CDC42EP3: variants seen among roughly 807,000 people sequenced by gnomAD.
CDC42EP3 encodes CDC42 effector protein (Rho GTPase binding) 3.
Under a neutral mutation model 15.5 loss-of-function variants are expected in CDC42EP3, and 4 were observed. That is an observed-to-expected ratio of 0.26 (90% CI 0.13 to 0.59). CDC42EP3 has a LOEUF of 0.59. Ranked by LOEUF, CDC42EP3 falls within the 20% of genes least tolerant of loss-of-function variation. The pLI is 0.89. For missense variants in CDC42EP3, 309 were observed against 311.2 expected (o/e 0.99, Z 0.05); for synonymous variants, 145 against 130.3 (o/e 1.11, Z -0.77).
At chr2:37,651,500 TG>T (rs1474381318) in intron 1 of CDC42EP3, among the ~76,000 whole-genome samples, 1 of 152,120 alleles carries the variant, frequency 6.6e-6, no homozygotes, top group African/African-American at 2.4e-5. Context: ...TGGCAGTGTG[TG>T]GGTATATGAA....
At chr2:37,669,971 A>G (rs1316577440) in intron 1 of CDC42EP3, among the ~76,000 whole-genome samples, 2 of 152,272 alleles carry the variant, frequency 1.3e-5, no homozygotes, top group East Asian at 1.9e-4. Context: ...ATACCTGTGT[A>G]GCTTATTAAC....
intron 1 of CDC42EP3, among the ~76,000 whole-genome samples, chr2:37,665,420 T>C (rs1666220149): frequency 6.6e-6 from 1 of 152,146 alleles, no homozygotes; most frequent in African/African-American, 2.4e-5. Context: ...TCCCGCTGTG[T>C]TAAAATCAAT....
intron 1 of CDC42EP3, among the ~76,000 whole-genome samples, chr2:37,657,554 C>A (rs1355570780): frequency 2.0e-5 from 3 of 152,146 alleles, no homozygotes; most frequent in African/African-American, 7.2e-5. Context: ...ACACAGAAGG[C>A]CCTCAAATCT....
In CDC42EP3 at chr2:37,648,054, G is replaced by A. The variant is rs190561840; in HGVS notation, c.-235-1232C>T. Among the ~76,000 whole-genome samples, 47 of 152,320 alleles carry A rather than the reference G, an allele frequency of 3.1e-4. 1 individual carries two copies. The highest frequency in any genetic ancestry group is 1.1e-3 in the African/African-American group (46 of 41,576). ...AAGTTTGTGGTCGTTTGTTACCAGT[G>A]TAGAAAGCAACACATCCTCCCTGCA... On this transcript the variant is annotated intron_variant, in intron 1 of 1. Coordinates refer to ENST00000295324, the MANE Select transcript of CDC42EP3 (RefSeq NM_006449.5).
intron 1 of CDC42EP3, among the ~76,000 whole-genome samples, chr2:37,665,237 TTAGGGCCAGGA>T (rs1220771930): frequency 6.6e-6 from 1 of 152,046 alleles, no homozygotes. Context: ...GAATCACAGT[TTAGGGCCAGGA>T]GAGGGCCTGG....
chr2:37,656,636 A>G (rs1477443942), intron 1 of CDC42EP3, among the ~76,000 whole-genome samples: 1 of 152,244 alleles, frequency 6.6e-6, no homozygotes, highest in Non-Finnish European at 1.5e-5. Context: ...CTGTGTCTCC[A>G]GTCAATCACC....
intron 1 of CDC42EP3, among the ~76,000 whole-genome samples, chr2:37,670,504 A>G (rs1666376848): frequency 6.7e-6 from 1 of 149,482 alleles, no homozygotes; most frequent in South Asian, 2.1e-4. Flanking sequence ...TTTTTTTTAA[A>G]CAAAATGTAA....
chr2:37,643,472 A>G lies in CDC42EP3; in HGVS notation c.*2351T>C, dbSNP rs914901204. 3 of 152,246 alleles carry G rather than the reference A, an allele frequency of 2.0e-5. No homozygotes were observed. Among genetic ancestry groups the G allele is most frequent in the Non-Finnish European group, 4.4e-5 (3 of 68,042 alleles). 9.4% of individuals were successfully genotyped at this position (152,246 alleles called of 1,614,324 possible). On this transcript the variant is annotated 3_prime_UTR_variant, in exon 2 of 2. Transcript: ENST00000295324. ...GTACATGAAAGAACTCCCAGAAACT[A>G]AAATGGCTAACTGTAGGCAGGATGT...
chr2:37,658,734 G>C (rs1357874585), intron 1 of CDC42EP3, among the ~76,000 whole-genome samples: 1 of 152,140 alleles, frequency 6.6e-6, no homozygotes, highest in African/African-American at 2.4e-5. Flanking sequence ...CTATCAGTCT[G>C]TCTGGACTGT....
chr2:37,667,985 C>G (rs1666296738), intron 1 of CDC42EP3, among the ~76,000 whole-genome samples: 1 of 152,154 alleles, frequency 6.6e-6, no homozygotes, highest in Non-Finnish European at 1.5e-5. Flanking sequence ...TCCAAGACCC[C>G]CAGTGGGTGC....
intron 1 of CDC42EP3, among the ~76,000 whole-genome samples, chr2:37,656,993 C>CCCCCCCCA (rs1665878814): frequency 6.9e-5 from 6 of 87,024 alleles, no homozygotes; most frequent in African/African-American, 3.3e-4. Context: ...CCCCCCCACC[C>CCCCCCCCA]CCCGCCCCCC....
chr2:37,653,445 A>C (rs12622958), intron 1 of CDC42EP3, among the ~76,000 whole-genome samples: 48,245 of 152,094 alleles, frequency 0.32, 8,288 homozygotes, highest in East Asian at 0.58. Context: ...TAATCACAGC[A>C]GTAATAAATA....
chr2:37,669,688 A>G (rs1666346661), intron 1 of CDC42EP3, among the ~76,000 whole-genome samples: 1 of 152,214 alleles, frequency 6.6e-6, no homozygotes, highest in Non-Finnish European at 1.5e-5. Flanking sequence ...ATTGGAAAAC[A>G]GAAACTGCCA....
chr2:37,670,757 G>C (rs1056404574), intron 1 of CDC42EP3, among the ~76,000 whole-genome samples: 1 of 149,768 alleles, frequency 6.7e-6, no homozygotes. Flanking sequence ...GCCTCCCAAA[G>C]TCGAGAGAGG....
At position 37,645,937 on chromosome 2, in the gene CDC42EP3, C is replaced by A; in HGVS notation, c.651G>T (p.Lys217Asn). 6.2e-7 allele frequency: 1 copy of A among 1,613,922 alleles called. No individual in the cohort carries two copies. The highest frequency in any genetic ancestry group is 8.5e-7 in the Non-Finnish European group (1 of 1,179,876). ...CAGAGAGGGACTCCTCTGACTTAGT[C>A]TTTCCCTTGATGAGCTCGCATGGGG... ...HPTPCELIKG[K>N]TKSEESLSDL... Residue 217 changes from lysine (K) to asparagine (N), a missense_variant, in exon 2 of 2, where the codon AAG (lysine) becomes AAT (asparagine). Transcript: ENST00000295324.
chr2:37,657,560 A>T (rs1172662006), intron 1 of CDC42EP3, among the ~76,000 whole-genome samples: 3 of 152,164 alleles, frequency 2.0e-5, no homozygotes, highest in Non-Finnish European at 2.9e-5. Context: ...AAGGCCCTCA[A>T]ATCTTACTGA....
rs748517211 is a variant in CDC42EP3, at chr2:37,646,420, A to C, written c.168T>G (p.Ile56Met). The part of the protein sequence containing the change: ...KEGQHDVFGD[I>M]SFLQGNYELL... ...GCTCGTAGTTCCCTTGAAGAAAGGA[A>C]ATATCTCCAAAGACATCGTGCTGGC... The change falls in exon 2 of 2, where the codon ATT becomes ATG. Residue 56 changes from isoleucine (I) to methionine (M), a missense_variant. By Grantham distance (10) the Ile-to-Met change is conservative (BLOSUM62 1). Coordinates refer to ENST00000295324, the MANE Select transcript of CDC42EP3 (RefSeq NM_006449.5). The C allele has an allele frequency of 5.0e-6, 8 of 1,614,130 alleles. No individual in the cohort carries two copies. Among genetic ancestry groups the C allele is most frequent in the Non-Finnish European group, 6.8e-6 (8 of 1,180,014 alleles).
intron 1 of CDC42EP3, among the ~76,000 whole-genome samples, chr2:37,670,702 C>A (rs1426268108): frequency 2.0e-5 from 3 of 152,006 alleles, no homozygotes; most frequent in African/African-American, 7.3e-5. Flanking sequence ...TAAAGGAGAT[C>A]CTGCCCAAAA....
intron 1 of CDC42EP3, among the ~76,000 whole-genome samples, chr2:37,666,928 A>G (rs902499063): frequency 4.6e-5 from 7 of 152,106 alleles, no homozygotes; most frequent in Admixed American, 4.6e-4. Flanking sequence ...AGGTGGGGAC[A>G]GGAGAAGATT....
Sources: allele counts gnomAD v4.1 joint callset (sites outside exome capture counted in the v4.1 genomes callset), GRCh38; gene constraint gnomAD v4.1.1; transcripts MANE v1.5; gene names NCBI Gene and HGNC (gene_info 2026-07-23, HGNC 2026-07-21).